The following VPS52 variants were observed in gnomAD, a reference collection of about 807,000 sequenced individuals.
The protein encoded by VPS52 is vacuolar protein sorting-associated protein 52 homolog.
VPS52 carries 56 observed loss-of-function variants against 98.7 expected under a neutral mutation model. The observed-to-expected ratio is 0.57, with a 90% CI of 0.46 to 0.71. The LOEUF (loss-of-function observed/expected upper bound fraction) is 0.71. Among genes scored for constraint, VPS52 ranks in the 30% least tolerant of loss-of-function variants. The pLI is 0.00. For synonymous variants in VPS52, 348 were observed against 346.4 expected (o/e 1.00, Z -0.05); for missense variants, 742 against 925.9 (o/e 0.80, Z 2.58).
At position 33,262,662 on chromosome 6, in the gene VPS52, A is replaced by G. The variant is rs573017298; in HGVS notation, c.1794+822T>C. Reference sequence around the variant, plus strand: ...TGAATGGGTAAAGAAAATGTGGGATATATACACAATGGAGTACTACTCAGC... The same window carrying G: ...TGAATGGGTAAAGAAAATGTGGGATGTATACACAATGGAGTACTACTCAGC... On this transcript the variant is annotated intron_variant, in intron 17 of 19. Coordinates refer to ENST00000445902, the MANE Select transcript of VPS52 (RefSeq NM_022553.6). 1.3e-3 allele frequency among the ~76,000 whole-genome samples: 191 copies of G among 152,350 alleles called. 1 individual carries two copies. Among genetic ancestry groups the G allele is most frequent in the Middle Eastern group, 6.8e-3 (2 of 294 alleles).
rs1334175093 is a variant in VPS52 at position 33,267,229 on chromosome 6, G to T, written c.1084C>A (p.Pro362Thr). The part of the protein sequence containing the change: ...SVISPTELEA[P>T]ILVPHTAQRG... ...TGCGCTGTGTGAGGCACCAGGATGG[G>T]GGCCTCAAGTTCAGTGGGGGAGATG... The change falls in exon 11 of 20, where the codon CCC (proline) becomes ACC (threonine). Residue 362 changes from proline to threonine, a missense_variant. Around this residue, in one of 2 missense-constraint regions of VPS52, gnomAD observed 590 missense variants for 793.3 expected, o/e 0.74. Coordinates refer to ENST00000445902, the MANE Select transcript of VPS52 (RefSeq NM_022553.6). This position sits in a 1 kb window ranked among gnomAD's most constrained non-coding sequence, Gnocchi z 4.2. 9 of 1,594,862 alleles carry T rather than the reference G, an allele frequency of 5.6e-6. No homozygotes were observed. The South Asian group carries it at 5.7e-5, about 10-fold the overall frequency.
chr6:33,269,362 G>C (rs892666103), intron 5 of VPS52, 128 bp downstream of exon 5: 6 of 1,440,582 alleles, frequency 4.2e-6, no homozygotes, highest in Non-Finnish European at 5.8e-6. Context: ...AACAAAAAAG[G>C]CTCCTGAAGT....
At chr6:33,260,713 A>G (rs1763527304) in intron 17 of VPS52, among the ~76,000 whole-genome samples, 1 of 152,014 alleles carries the variant, frequency 6.6e-6, no homozygotes, top group South Asian at 2.1e-4. Context: ...TAAAAACAGA[A>G]TCTAGGCCGG....
chr6:33,271,453 A>AG (rs1414779128), intron 1 of VPS52, 133 bp downstream of exon 1: 16 of 1,306,274 alleles, frequency 1.2e-5, no homozygotes, highest in Non-Finnish European at 1.7e-5. Flanking sequence ...ATCACAGGGA[A>AG]GGGTACGGGG....
In VPS52 at chr6:33,267,859, C is replaced by A; in HGVS notation, c.933+6G>T. ...GCCCAGGAATACCTCTCCCTCCTGA[C>A]CTTACCTGCACCTTCATGAGCCGCC... On this transcript the variant is annotated splice_donor_region_variant and intron_variant, in intron 9 of 19. Coordinates refer to ENST00000445902, the MANE Select transcript of VPS52 (RefSeq NM_022553.6). The surrounding 1 kb of genome is among the most constrained non-coding windows in gnomAD (Gnocchi z 4.2). 1 of 1,613,086 alleles carries A rather than the reference C, an allele frequency of 6.2e-7. No individual in the cohort carries two copies. Among genetic ancestry groups the A allele is most frequent in the East Asian group, 2.2e-5 (1 of 44,884 alleles).
In VPS52 at chr6:33,263,263, C is replaced by CAA. The variant is rs750569619; in HGVS notation, c.1794+219_1794+220dup. Among the ~76,000 whole-genome samples the CAA allele has an allele frequency of 6.8e-3, 301 of 44,384 alleles. 9 individuals are homozygous for CAA. Among genetic ancestry groups the CAA allele is most frequent in the African/African-American group, 0.013 (165 of 12,840 alleles). 29.1% of individuals were successfully genotyped at this position (44,384 alleles called of 152,430 possible). ...TGGGTGACAGAGTGACACTTTGCCT[C>CAA]AAAAAAAAAAAAAAAAAAAAACCAA... On this transcript the variant is annotated intron_variant, in intron 17 of 19. Transcript: ENST00000445902.
Position 33,266,700 on chromosome 6 carries a change from C to A in VPS52, c.1138G>T (p.Ala380Ser). The change falls in exon 12 of 20, where the codon GCC becomes TCC. Residue 380 changes from alanine (A) to serine (S), a missense_variant. Around this residue, in one of 2 missense-constraint regions of VPS52, gnomAD observed 590 missense variants for 793.3 expected, o/e 0.74. Transcript: ENST00000445902. The part of the protein sequence containing the change: ...QRGEQRYPFE[A>S]LFRSQHYALL... The stretch of plus-strand genomic sequence containing the variant: ...GCGTAGTGCTGGCTGCGGAAGAGGG[C>A]CTCAAATGGATACTGGGAGAGGAGG... 6.2e-7 allele frequency: 1 copy of A among 1,609,344 alleles called. No homozygotes were observed. Among genetic ancestry groups the A allele is most frequent in the South Asian group, 1.1e-5 (1 of 90,650 alleles).
chr6:33,269,919 C>G (rs903350775), intron 3 of VPS52, 80 bp downstream of exon 3: 3 of 1,604,682 alleles, frequency 1.9e-6, no homozygotes, highest in South Asian at 1.1e-5. Flanking sequence ...CAGGCTGATA[C>G]AACAAAAGCA....
chr6:33,268,306 G>T lies in VPS52; in HGVS notation c.700-98C>A. 2 of 1,373,120 alleles carry T rather than the reference G, an allele frequency of 1.5e-6. No homozygotes were observed. The highest frequency in any genetic ancestry group is 2.1e-6 in the Non-Finnish European group (2 of 974,000). 85.1% of individuals were successfully genotyped at this position (1,373,120 alleles called of 1,614,324 possible). A position where few individuals can be genotyped will look rare whatever the true frequency, so the allele number is the denominator to read the frequency against. On this transcript the variant is annotated intron_variant, in intron 7 of 19. Transcript: ENST00000445902. The surrounding 1 kb of genome is among the most constrained non-coding windows in gnomAD (Gnocchi z 4.0). ...AACAAATGGTAAACATAGGCAGAAG[G>T]GTGGTGAATATCTCTTTGGTATTTC...
At position 33,267,840 on chromosome 6, in the gene VPS52, GA is replaced by G; in HGVS notation, c.933+24del. 1 of 1,612,922 alleles carries G rather than the reference GA, an allele frequency of 6.2e-7. No homozygotes were observed. The highest frequency in any genetic ancestry group is 8.5e-7 in the Non-Finnish European group (1 of 1,179,992). On this transcript the variant is annotated intron_variant, in intron 9 of 19. Transcript: ENST00000445902. This position sits in a 1 kb window ranked among gnomAD's most constrained non-coding sequence, Gnocchi z 4.2. ...CCCTCCTCCCAGTCCATGTGCCCAG[GA>G]ATACCTCTCCCTCCTGACCTTACCT...
intron 17 of VPS52, among the ~76,000 whole-genome samples, chr6:33,257,784 G>C (rs1763167581): frequency 6.6e-6 from 1 of 152,188 alleles, no homozygotes; most frequent in African/African-American, 2.4e-5. Flanking sequence ...GATGCGGGAG[G>C]ATCACTTGAG....
At chr6:33,260,548 C>A (rs1231526026) in intron 17 of VPS52, among the ~76,000 whole-genome samples, 1 of 152,146 alleles carries the variant, frequency 6.6e-6, no homozygotes, top group Non-Finnish European at 1.5e-5. Flanking sequence ...CCTACTGAAA[C>A]CATCCCTGTG....
intron 17 of VPS52, among the ~76,000 whole-genome samples, chr6:33,257,678 C>T (rs1051527355): frequency 6.6e-6 from 1 of 152,162 alleles, no homozygotes; most frequent in African/African-American, 2.4e-5. Context: ...GGATTACAGG[C>T]GTGAGCCACC....
Position 33,268,878 on chromosome 6 carries a change from A to T in VPS52, c.548+136T>A. ...TTGATGCCTAATGCATACCTAAAGA[A>T]ATGGTGGTTAACCTGGCTACTAATT... On this transcript the variant is annotated intron_variant, in intron 6 of 19. Transcript: ENST00000445902. The surrounding 1 kb of genome is among the most constrained non-coding windows in gnomAD (Gnocchi z 4.0). The T allele has an allele frequency of 8.1e-7, 1 of 1,235,084 alleles. No individual in the cohort carries two copies. The highest frequency in any genetic ancestry group is 1.1e-6 in the Non-Finnish European group (1 of 892,348). The allele number at this position is 1,235,084 out of a possible 1,614,324, so 76.5% of individuals were successfully genotyped here.
intron 17 of VPS52, among the ~76,000 whole-genome samples, chr6:33,257,191 G>A (rs1763090892): frequency 6.6e-6 from 1 of 151,792 alleles, no homozygotes; most frequent in South Asian, 2.1e-4. Flanking sequence ...CACTATGCTT[G>A]GCTAATATAT....
At chr6:33,257,436 A>G (rs1033860194) in intron 17 of VPS52, among the ~76,000 whole-genome samples, 2 of 151,024 alleles carry the variant, frequency 1.3e-5, no homozygotes, top group Admixed American at 6.6e-5. Context: ...GTCTCACTCT[A>G]TCACCAGTCT....
intron 11 of VPS52, 105 bp from the exon 12 acceptor site, chr6:33,266,817 G>T: frequency 7.1e-7 from 1 of 1,415,260 alleles, no homozygotes; most frequent in Non-Finnish European, 9.5e-7. Flanking sequence ...TAAGAGCTAG[G>T]CAGACCCTTC....
At chr6:33,261,561 G>A (rs186906244) in intron 17 of VPS52, among the ~76,000 whole-genome samples, 3 of 151,762 alleles carry the variant, frequency 2.0e-5, no homozygotes, top group East Asian at 1.9e-4. Context: ...CCTATCTCTC[G>A]CCACATATGA....
intron 17 of VPS52, among the ~76,000 whole-genome samples, chr6:33,252,779 G>C (rs2150787427): frequency 6.6e-6 from 1 of 152,174 alleles, no homozygotes; most frequent in African/African-American, 2.4e-5. Flanking sequence ...AGCACAGACA[G>C]AAGATGGAAA....
Sources: gnomAD v4.1 joint callset for allele counts (sites outside exome capture counted in the v4.1 genomes callset) on GRCh38, gnomAD v4.1.1 for gene constraint, gnomAD v4.1.1 regional missense constraint, Gnocchi (gnomAD v3.1) non-coding constraint, MANE v1.5 for transcripts, NCBI Gene and HGNC (gene_info 2026-07-23, HGNC 2026-07-21) for gene names.